DLGAP2: variants seen among roughly 807,000 people sequenced by gnomAD.
DLGAP2 encodes disks large-associated protein 2.
Under a neutral mutation model 100.3 loss-of-function variants are expected in DLGAP2, and 26 were observed. The ratio of observed to expected loss-of-function variants is 0.26; its 90% CI spans 0.19 to 0.36. The LOEUF (loss-of-function observed/expected upper bound fraction) is 0.36, where lower values mean the gene tolerates loss of function less well. Ranked by LOEUF, DLGAP2 falls within the 10% of genes least tolerant of loss-of-function variation. The pLI is 1.00. For synonymous variants in DLGAP2, 886 were observed against 630.1 expected (o/e 1.41, Z -6.08); for missense variants, 1,858 against 1,453.2 (o/e 1.28, Z -4.53).
chr8:1,558,847 A>G (rs1253176947), intron 5 of DLGAP2, among the ~76,000 whole-genome samples: 2 of 132,116 alleles, frequency 1.5e-5, no homozygotes, highest in African/African-American at 5.1e-5. Context: ...ACACCCATAT[A>G]CCTGCACACA....
At chr8:1,592,017 A>G (rs1796307025) in intron 6 of DLGAP2, among the ~76,000 whole-genome samples, 1 of 152,132 alleles carries the variant, frequency 6.6e-6, no homozygotes, top group Admixed American at 6.5e-5. Context: ...CTCCTGCCAC[A>G]CGATTCTGCT....
intron 3 of DLGAP2, among the ~76,000 whole-genome samples, chr8:1,379,202 G>A (rs1327727554): frequency 3.3e-5 from 5 of 152,244 alleles, no homozygotes; most frequent in Admixed American, 1.3e-4. Flanking sequence ...CCATCAGCCC[G>A]AGTCCTCCTG....
chr8:1,579,764 C>T (rs1803149442), intron 6 of DLGAP2, among the ~76,000 whole-genome samples: 1 of 152,168 alleles, frequency 6.6e-6, no homozygotes, highest in Non-Finnish European at 1.5e-5. Flanking sequence ...AAAATACAGC[C>T]ACGTTCACTA....
intron 3 of DLGAP2, among the ~76,000 whole-genome samples, chr8:1,368,353 A>G (rs1802158584): frequency 1.3e-5 from 2 of 151,286 alleles, no homozygotes. Context: ...ATGCGTGTGT[A>G]TATATGTGTA....
intron 1 of DLGAP2, among the ~76,000 whole-genome samples, chr8:872,264 A>G (rs546755346): frequency 1.3e-5 from 2 of 151,792 alleles, no homozygotes; most frequent in Admixed American, 1.3e-4. Flanking sequence ...AGATGAAAAG[A>G]TGCTGCACTT....
In DLGAP2 at chr8:1,238,006, G is replaced by A. The variant is rs1585179314; in HGVS notation, c.74-20845G>A. Reference sequence around the variant, plus strand: ...GTGTCCAGTTCTGTCACATGGCTCCGTGTCTGGTTCTCTCACATGGCGCCG... The same window carrying A: ...GTGTCCAGTTCTGTCACATGGCTCCATGTCTGGTTCTCTCACATGGCGCCG... On this transcript the variant is annotated intron_variant, in intron 2 of 14. Coordinates refer to ENST00000637795, the MANE Select transcript of DLGAP2 (RefSeq NM_001346810.2). 4.5e-4 allele frequency among the ~76,000 whole-genome samples: 4 copies of A among 8,972 alleles called. 1 individual carries two copies. Among genetic ancestry groups the A allele is most frequent in the South Asian group, 6.1e-3 (2 of 328 alleles). 5.9% of individuals were successfully genotyped at this position (8,972 alleles called of 152,430 possible).
intron 1 of DLGAP2, among the ~76,000 whole-genome samples, chr8:886,353 A>G (rs1797921832): frequency 1.3e-5 from 2 of 150,606 alleles, no homozygotes; most frequent in South Asian, 4.2e-4. Flanking sequence ...TTTTCGGACC[A>G]TTTTTCATCT....
intron 3 of DLGAP2, among the ~76,000 whole-genome samples, chr8:1,371,912 C>T (rs972134636): frequency 6.6e-6 from 1 of 152,208 alleles, no homozygotes; most frequent in Non-Finnish European, 1.5e-5. Flanking sequence ...AGTGCAGGGC[C>T]CTTTTCAATA....
At chr8:1,265,445 C>T (rs6558435) in intron 3 of DLGAP2, among the ~76,000 whole-genome samples, 132,530 of 152,202 alleles carry the variant, frequency 0.87, 57,837 homozygotes, top group Middle Eastern at 0.91. Flanking sequence ...ATAGAAGAAT[C>T]AAGTTGCGTG....
intron 3 of DLGAP2, chr8:1,369,850 C>A (rs1802194467): frequency 6.7e-6 from 1 of 149,144 alleles, no homozygotes; most frequent in Admixed American, 6.7e-5. Context: ...GACTTGGAGG[C>A]GCGAGGCGCA....
At chr8:1,233,307 C>T (rs1447599103) in intron 2 of DLGAP2, among the ~76,000 whole-genome samples, 3 of 152,174 alleles carry the variant, frequency 2.0e-5, no homozygotes, top group Non-Finnish European at 4.4e-5. Context: ...GAATATTTGC[C>T]ACGTGATATA....
chr8:852,886 C>G (rs1173111325), intron 1 of DLGAP2, among the ~76,000 whole-genome samples: 7 of 151,660 alleles, frequency 4.6e-5, no homozygotes, highest in Non-Finnish European at 7.4e-5. Flanking sequence ...TATGGATCCC[C>G]TGGCCGATTC....
intron 2 of DLGAP2, among the ~76,000 whole-genome samples, chr8:1,179,541 A>C (rs922180600): frequency 6.6e-6 from 1 of 152,242 alleles, no homozygotes; most frequent in Non-Finnish European, 1.5e-5. Flanking sequence ...CCTCTCTCCA[A>C]GTTTCCTTTT....
chr8:1,461,662 G>C (rs1798469926), intron 3 of DLGAP2, among the ~76,000 whole-genome samples: 1 of 62,584 alleles, frequency 1.6e-5, no homozygotes, highest in Non-Finnish European at 2.9e-5. Context: ...TTTGGGTTGG[G>C]AGAAGGTGCT....
At chr8:1,609,150 G>C (rs1352648783) in intron 6 of DLGAP2, among the ~76,000 whole-genome samples, 3 of 133,872 alleles carry the variant, frequency 2.2e-5, no homozygotes, top group Non-Finnish European at 5.0e-5. Flanking sequence ...GAAAGGTCGG[G>C]TTACCCTCAA....
chr8:1,475,636 G>T (rs552083531), intron 3 of DLGAP2, among the ~76,000 whole-genome samples: 1 of 152,116 alleles, frequency 6.6e-6, no homozygotes, highest in Non-Finnish European at 1.5e-5. Flanking sequence ...CAGGAACATT[G>T]CTTGTCATCC....
chr8:1,122,392 T>C (rs996089522), intron 2 of DLGAP2, among the ~76,000 whole-genome samples: 4 of 152,168 alleles, frequency 2.6e-5, no homozygotes, highest in Non-Finnish European at 5.9e-5. Context: ...TCTTTACCAA[T>C]GGGCTGTTTA....
intron 1 of DLGAP2, among the ~76,000 whole-genome samples, chr8:745,884 G>A (rs1166948605): frequency 6.6e-6 from 1 of 152,182 alleles, no homozygotes; most frequent in Non-Finnish European, 1.5e-5. Context: ...AGACTGGAAG[G>A]ATACCGACTC....
rs181999457 is a variant in DLGAP2 at position 1,071,539 on chromosome 8, G to A, written c.73+163573G>A. ...ATCCAGATTTCCCTTCTTATGATGTGCCTTTCACAAAACAGCGCTAGCCTG... is the reference window on the plus strand; with the variant it reads ...ATCCAGATTTCCCTTCTTATGATGTACCTTTCACAAAACAGCGCTAGCCTG... On this transcript the variant is annotated intron_variant, in intron 2 of 14. Coordinates refer to ENST00000637795, the MANE Select transcript of DLGAP2 (RefSeq NM_001346810.2). 2.0e-5 allele frequency among the ~76,000 whole-genome samples: 3 copies of A among 152,260 alleles called. No homozygotes were observed. In the East Asian group the frequency reaches 5.8e-4, roughly 29 times the overall value.
Sources: allele counts gnomAD v4.1 joint callset (sites outside exome capture counted in the v4.1 genomes callset), GRCh38; gene constraint gnomAD v4.1.1; transcripts MANE v1.5; gene names NCBI Gene and HGNC (gene_info 2026-07-23, HGNC 2026-07-21).